Variants in RIMS2 observed in about 807,000 individuals in gnomAD.
RIMS2 encodes the protein regulating synaptic membrane exocytosis protein 2.
A neutral mutation model predicts 174.4 loss-of-function variants in RIMS2; 59 were observed. That is an observed-to-expected ratio of 0.34 (90% CI 0.27 to 0.42). RIMS2 has a LOEUF of 0.42. Among genes scored for constraint, RIMS2 ranks in the 10% least tolerant of loss-of-function variants. The probability of loss-of-function intolerance (pLI) is 1.00; values close to 1 mark genes in which losing one functional copy is unlikely to be tolerated. For synonymous variants in RIMS2, 606 were observed against 572.5 expected (o/e 1.06, Z -0.84); for missense variants, 1,620 against 1,666.3 (o/e 0.97, Z 0.48).
chr8:103,631,767 A>T (rs1259313536), intron 1 of RIMS2, among the ~76,000 whole-genome samples: 2 of 152,190 alleles, frequency 1.3e-5, no homozygotes. Context: ...TGAACATGGG[A>T]TGATTTTACA....
At chr8:104,244,707 G>C (rs1352111398) in intron 19 of RIMS2, among the ~76,000 whole-genome samples, 1 of 152,044 alleles carries the variant, frequency 6.6e-6, no homozygotes, top group Non-Finnish European at 1.5e-5. Context: ...ATGGTGTTTT[G>C]TGCTTCTACA....
intron 1 of RIMS2, among the ~76,000 whole-genome samples, chr8:103,622,016 A>C (rs371175338): frequency 2.0e-5 from 3 of 152,148 alleles, no homozygotes; most frequent in East Asian, 1.9e-4. Context: ...AAATATTGTG[A>C]TTTGCCATAG....
At chr8:103,540,963 T>G (rs185985469) in intron 1 of RIMS2, among the ~76,000 whole-genome samples, 1 of 149,720 alleles carries the variant, frequency 6.7e-6, no homozygotes, top group East Asian at 2.0e-4. Flanking sequence ...AAATATACAG[T>G]GAGAGGAATA....
chr8:104,161,004 T>G (rs977879076), intron 19 of RIMS2, among the ~76,000 whole-genome samples: 1 of 152,192 alleles, frequency 6.6e-6, no homozygotes, highest in Non-Finnish European at 1.5e-5. Context: ...AAGTTACTTC[T>G]CTCAATCTCC....
chr8:104,229,430 A>T, intron 19 of RIMS2, among the ~76,000 whole-genome samples: 1 of 152,180 alleles, frequency 6.6e-6, no homozygotes, highest in East Asian at 1.9e-4. Flanking sequence ...CTAGTTTGGA[A>T]GTATCACTCT....
At chr8:103,619,062 A>G (rs949071582) in intron 1 of RIMS2, among the ~76,000 whole-genome samples, 4 of 149,194 alleles carry the variant, frequency 2.7e-5, no homozygotes, top group Non-Finnish European at 5.9e-5. Context: ...ATGCTCCCCT[A>G]TTACATGAGT....
chr8:103,661,927 C>T (rs1419480413), intron 1 of RIMS2, among the ~76,000 whole-genome samples: 3 of 152,134 alleles, frequency 2.0e-5, no homozygotes, highest in Non-Finnish European at 4.4e-5. Flanking sequence ...TGAAATTTCA[C>T]TTGTTATTTC....
intron 8 of RIMS2, among the ~76,000 whole-genome samples, chr8:103,917,841 G>T (rs551413543): frequency 4.6e-5 from 7 of 152,096 alleles, no homozygotes; most frequent in African/African-American, 1.4e-4. Context: ...GTGAAACCTC[G>T]TCTCTGCTAA....
intron 19 of RIMS2, among the ~76,000 whole-genome samples, chr8:104,028,975 T>A (rs2096320064): frequency 6.6e-6 from 1 of 152,228 alleles, no homozygotes; most frequent in Admixed American, 6.5e-5. Flanking sequence ...TTATTTTTGA[T>A]TATATGCTAA....
At position 103,797,908 on chromosome 8, in the gene RIMS2, A is replaced by T. The variant is rs376041450; in HGVS notation, c.698+31371A>T. 4.6e-5 allele frequency among the ~76,000 whole-genome samples: 7 copies of T among 152,220 alleles called. 1 individual carries two copies. Among genetic ancestry groups the T allele is most frequent in the African/African-American group, 1.7e-4 (7 of 41,540 alleles). ...TTATATTGGCATAATTATTAAGAGCACCCTTTTTACTCTCAAAAGTATCCT... is the reference window on the plus strand; with the variant it reads ...TTATATTGGCATAATTATTAAGAGCTCCCTTTTTACTCTCAAAAGTATCCT... On this transcript the variant is annotated intron_variant, in intron 3 of 23. Coordinates refer to ENST00000504942, the Ensembl canonical transcript of RIMS2.
chr8:103,996,248 G>A (rs756452877), intron 17 of RIMS2, among the ~76,000 whole-genome samples: 4 of 151,468 alleles, frequency 2.6e-5, no homozygotes, highest in South Asian at 2.1e-4. Context: ...TTTGATTACT[G>A]TATATTGATT....
At chr8:104,074,899 C>T (rs1243120082) in intron 19 of RIMS2, among the ~76,000 whole-genome samples, 1 of 151,792 alleles carries the variant, frequency 6.6e-6, no homozygotes, top group Non-Finnish European at 1.5e-5. Flanking sequence ...ACTAAGACCA[C>T]GTTTATAAAA....
At chr8:103,691,789 G>A (rs1265085345) in intron 1 of RIMS2, among the ~76,000 whole-genome samples, 1 of 152,102 alleles carries the variant, frequency 6.6e-6, no homozygotes, top group African/African-American at 2.4e-5. Flanking sequence ...AGTATTTATT[G>A]TAGTCTTCAC....
chr8:104,030,018 A>G (rs1218118665), intron 19 of RIMS2, among the ~76,000 whole-genome samples: 2 of 152,146 alleles, frequency 1.3e-5, no homozygotes, highest in East Asian at 1.9e-4. Context: ...AAAATCACCT[A>G]TATTTGATGT....
intron 2 of RIMS2, among the ~76,000 whole-genome samples, chr8:103,709,969 G>C (rs1564369167): frequency 1.3e-5 from 2 of 151,918 alleles, no homozygotes; most frequent in South Asian, 4.2e-4. Flanking sequence ...TCTTTCATTA[G>C]TTTTTCTACA....
intron 3 of RIMS2, among the ~76,000 whole-genome samples, chr8:103,807,538 G>A (rs1191784487): frequency 6.6e-6 from 1 of 152,072 alleles, no homozygotes; most frequent in Non-Finnish European, 1.5e-5. Context: ...GTACCTGGAA[G>A]GGAATATGAG....
At position 103,728,748 on chromosome 8, in the gene RIMS2, CTT is replaced by C. The variant is rs71575982; in HGVS notation, c.387+31470_387+31471del. Among the ~76,000 whole-genome samples the C allele has an allele frequency of 2.4e-3, 220 of 92,656 alleles. 2 individuals are homozygous for C. The highest frequency in any genetic ancestry group is 7.2e-3 in the Middle Eastern group (1 of 138). 60.8% of individuals were successfully genotyped at this position (92,656 alleles called of 152,430 possible). The stretch of plus-strand genomic sequence containing the variant: ...TTTATTTTGTTGAGGTATGCTCCTT[CTT>C]TTTTTTTTTTTTTTTTTAGGATTTT... On this transcript the variant is annotated intron_variant, in intron 2 of 23. Transcript: ENST00000504942.
chr8:103,824,626 C>T (rs765024467), intron 3 of RIMS2, among the ~76,000 whole-genome samples: 4 of 152,236 alleles, frequency 2.6e-5, no homozygotes, highest in Admixed American at 6.5e-5. Context: ...GGGCAGAGAA[C>T]GCTTTCAAGG....
chr8:103,911,794 T>C (rs1051526903), intron 5 of RIMS2, among the ~76,000 whole-genome samples: 7 of 152,152 alleles, frequency 4.6e-5, no homozygotes, highest in Admixed American at 1.3e-4. Flanking sequence ...ATAACTTCAG[T>C]ATTGTGTTAG....
Sources: allele counts gnomAD v4.1 joint callset (sites outside exome capture counted in the v4.1 genomes callset), GRCh38; gene constraint gnomAD v4.1.1; transcripts MANE v1.5; gene names NCBI Gene and HGNC (gene_info 2026-07-23, HGNC 2026-07-21).